The following TSPAN5 variants were observed in gnomAD, a reference collection of about 807,000 sequenced individuals.
The protein encoded by TSPAN5 is tetraspanin 5, also known as tetraspanin-5.
TSPAN5 carries 10 observed loss-of-function variants against 37.1 expected under a neutral mutation model. The observed-to-expected ratio is 0.27, with a 90% CI of 0.17 to 0.46. The LOEUF (loss-of-function observed/expected upper bound fraction) is 0.46. Ranked by LOEUF, TSPAN5 falls within the 20% of genes least tolerant of loss-of-function variation. The pLI, the probability that TSPAN5 is intolerant of heterozygous loss-of-function variation, is 1.00. For synonymous variants in TSPAN5, 110 were observed against 118.9 expected, an observed-to-expected ratio of 0.93 and a Z score of 0.48; for missense variants, 195 against 326.6, an observed-to-expected ratio of 0.60 and a Z score of 3.11.
rs1476303350 is a variant in TSPAN5, at chr4:98,597,896, C to G, written c.81+60250G>C. ...AGGTTACTGCTGTCTTTTTGTTTGT[C>G]TGTGCCCTGCCCCCAGAGGTGGAGC... On this transcript the variant is annotated intron_variant, in intron 1 of 7. Coordinates refer to ENST00000305798, the MANE Select transcript of TSPAN5 (RefSeq NM_005723.4). 4.0e-4 allele frequency among the ~76,000 whole-genome samples: 29 copies of G among 73,136 alleles called. 1 individual carries two copies. In the East Asian group the frequency reaches 9.1e-3, roughly 23 times the overall value. 48.0% of individuals were successfully genotyped at this position (73,136 alleles called of 152,430 possible). A position where few individuals can be genotyped will look rare whatever the true frequency, so the allele number is the denominator to read the frequency against.
chr4:98,495,651 A>T (rs1250026934), intron 2 of TSPAN5, among the ~76,000 whole-genome samples: 1 of 152,172 alleles, frequency 6.6e-6, no homozygotes, highest in Non-Finnish European at 1.5e-5. Flanking sequence ...GCAATAAAGG[A>T]ATATGTTCTG....
At position 98,562,095 on chromosome 4, in the gene TSPAN5, T is replaced by C. The variant is rs1395519281; in HGVS notation, c.82-54367A>G. 4.6e-5 allele frequency among the ~76,000 whole-genome samples: 7 copies of C among 152,180 alleles called. 1 individual carries two copies. In the South Asian group the frequency reaches 1.2e-3, roughly 27 times the overall value. ...GAACAGGCCCTGCACTTTGCAGATT[T>C]TGAATGCCTAGACATTTGAGGGGAG... On this transcript the variant is annotated intron_variant, in intron 1 of 7. Coordinates refer to ENST00000305798, the MANE Select transcript of TSPAN5 (RefSeq NM_005723.4).
At chr4:98,523,526 C>T (rs145702325) in intron 1 of TSPAN5, among the ~76,000 whole-genome samples, 1,723 of 152,210 alleles carry the variant, frequency 0.011, 34 homozygotes, top group African/African-American at 0.039. Context: ...CCTCTGCCTC[C>T]CGGGTTCAAG....
intron 2 of TSPAN5, among the ~76,000 whole-genome samples, chr4:98,498,577 AG>A (rs2110277279): frequency 6.6e-6 from 1 of 152,202 alleles, no homozygotes; most frequent in African/African-American, 2.4e-5. Flanking sequence ...CAGGGACAAA[AG>A]GGGTCAGAGG....
intron 1 of TSPAN5, among the ~76,000 whole-genome samples, chr4:98,608,397 C>T (rs560285098): frequency 2.6e-5 from 4 of 152,310 alleles, no homozygotes; most frequent in African/African-American, 9.6e-5. Flanking sequence ...TTCCTTCTTG[C>T]TACAGAAATG....
At chr4:98,589,978 G>C (rs1288082454) in intron 1 of TSPAN5, among the ~76,000 whole-genome samples, 2 of 152,092 alleles carry the variant, frequency 1.3e-5, no homozygotes, top group South Asian at 4.1e-4. Flanking sequence ...TGTAATTACA[G>C]GAAAGGTGCT....
intron 1 of TSPAN5, among the ~76,000 whole-genome samples, chr4:98,579,368 C>T (rs1014206080): frequency 6.6e-6 from 1 of 152,146 alleles, no homozygotes; most frequent in Admixed American, 6.5e-5. Context: ...GAGCAAGGTA[C>T]ATTTCTGGAG....
At chr4:98,584,325 A>G (rs1257861585) in intron 1 of TSPAN5, among the ~76,000 whole-genome samples, 1 of 152,250 alleles carries the variant, frequency 6.6e-6, no homozygotes, top group African/African-American at 2.4e-5. Flanking sequence ...ATATGCAAGC[A>G]GTGAAAATAC....
intron 1 of TSPAN5, among the ~76,000 whole-genome samples, chr4:98,623,122 A>T (rs754711724): frequency 5.9e-5 from 9 of 152,158 alleles, no homozygotes; most frequent in Non-Finnish European, 1.3e-4. Context: ...AAAGGTTTTA[A>T]TTCCCTTAGT....
chr4:98,577,106 AATAGAAAATAACTGTTTTAT>A (rs1434906723), intron 1 of TSPAN5, among the ~76,000 whole-genome samples: 1 of 152,172 alleles, frequency 6.6e-6, no homozygotes, highest in Non-Finnish European at 1.5e-5. Flanking sequence ...TATTCATGGA[AATAGAAAATAACTGTTTTAT>A]ATTCTGCTGA....
At chr4:98,642,982 T>C (rs1756989677) in intron 1 of TSPAN5, among the ~76,000 whole-genome samples, 2 of 152,194 alleles carry the variant, frequency 1.3e-5, no homozygotes, top group Admixed American at 6.5e-5. Context: ...ATATTTTTTG[T>C]AAATTTAATG....
intron 1 of TSPAN5, among the ~76,000 whole-genome samples, chr4:98,560,022 C>T (rs1020481452): frequency 1.3e-5 from 2 of 152,140 alleles, no homozygotes; most frequent in Non-Finnish European, 2.9e-5. Flanking sequence ...TTTTCTAATC[C>T]ACAACATCTT....
intron 1 of TSPAN5, among the ~76,000 whole-genome samples, chr4:98,588,374 T>C (rs1271750771): frequency 1.3e-5 from 2 of 151,942 alleles, no homozygotes; most frequent in African/African-American, 4.8e-5. Flanking sequence ...AGGACAGTGC[T>C]GGGTGTTAAC....
In TSPAN5 at chr4:98,612,694, G is replaced by A. The variant is rs562959057; in HGVS notation, c.81+45452C>T. ...GGAGCACCATCCTCTCCCGCTCCCC[G>A]CGGGGCTCCCCCCGCTCCCCTATCT... On this transcript the variant is annotated intron_variant, in intron 1 of 7. Coordinates refer to ENST00000305798, the MANE Select transcript of TSPAN5 (RefSeq NM_005723.4). 1.2e-4 allele frequency among the ~76,000 whole-genome samples: 18 copies of A among 152,024 alleles called. No homozygotes were observed. In the South Asian group the frequency reaches 1.9e-3, roughly 16 times the overall value.
intron 1 of TSPAN5, among the ~76,000 whole-genome samples, chr4:98,617,770 A>G (rs1216946203): frequency 6.6e-6 from 1 of 152,204 alleles, no homozygotes. Context: ...AGCCAAAGCT[A>G]GCGGTGCCAG....
At chr4:98,652,714 T>C (rs1219798878) in intron 1 of TSPAN5, among the ~76,000 whole-genome samples, 1 of 152,196 alleles carries the variant, frequency 6.6e-6, no homozygotes, top group Non-Finnish European at 1.5e-5. Flanking sequence ...GAAGACTCTT[T>C]GGGGTGCTTA....
chr4:98,520,315 T>C (rs865782898), intron 1 of TSPAN5, among the ~76,000 whole-genome samples: 3 of 152,138 alleles, frequency 2.0e-5, no homozygotes, highest in Admixed American at 6.5e-5. Context: ...AATTAAAACA[T>C]AGAGCAACAA....
intron 1 of TSPAN5, among the ~76,000 whole-genome samples, chr4:98,519,182 G>A (rs1753801316): frequency 6.6e-6 from 1 of 152,078 alleles, no homozygotes; most frequent in Admixed American, 6.6e-5. Flanking sequence ...AAGCAGCAGG[G>A]TACAAGGTTA....
chr4:98,568,536 C>G (rs1161346676), intron 1 of TSPAN5, among the ~76,000 whole-genome samples: 3 of 151,994 alleles, frequency 2.0e-5, no homozygotes, highest in Non-Finnish European at 2.9e-5. Context: ...TCCCCCACCC[C>G]CAGCCCACCA....
Sources: allele counts gnomAD v4.1 joint callset (sites outside exome capture counted in the v4.1 genomes callset), GRCh38; gene constraint gnomAD v4.1.1; transcripts MANE v1.5; gene names NCBI Gene and HGNC (gene_info 2026-07-23, HGNC 2026-07-21).